The following ZBTB20 variants were observed in gnomAD, a reference collection of about 807,000 sequenced individuals.
The protein encoded by ZBTB20 is zinc finger and BTB domain-containing protein 20.
Under a neutral mutation model 56.9 loss-of-function variants are expected in ZBTB20, and 9 were observed. The observed-to-expected ratio is 0.16, with a 90% CI of 0.10 to 0.28. The LOEUF is 0.28. Among genes scored for constraint, ZBTB20 ranks in the 10% least tolerant of loss-of-function variants. ZBTB20 has a pLI of 1.00. For synonymous variants in ZBTB20, 417 were observed against 420.7 expected, an observed-to-expected ratio of 0.99 and a Z score of 0.11; for missense variants, 655 against 1,003.0, an observed-to-expected ratio of 0.65 and a Z score of 4.69.
chr3:114,669,088 C>A (rs749083506), intron 6 of ZBTB20, among the ~76,000 whole-genome samples: 8 of 152,086 alleles, frequency 5.3e-5, no homozygotes, highest in Non-Finnish European at 1.0e-4. Flanking sequence ...CCCTTCCCCA[C>A]CAGGGGAGAA....
intron 7 of ZBTB20, among the ~76,000 whole-genome samples, chr3:114,492,940 A>C (rs1319138636): frequency 1.3e-5 from 2 of 152,156 alleles, no homozygotes; most frequent in Admixed American, 6.5e-5. Flanking sequence ...ACATCCATAC[A>C]CTCATGAATA....
chr3:114,877,076 T>C (rs2076226084), intron 4 of ZBTB20, among the ~76,000 whole-genome samples: 1 of 152,216 alleles, frequency 6.6e-6, no homozygotes, highest in Non-Finnish European at 1.5e-5. Flanking sequence ...GGAAACTGGA[T>C]GGTAAACTAT....
intron 6 of ZBTB20, among the ~76,000 whole-genome samples, chr3:114,644,939 C>A (rs1299938): frequency 0.43 from 65,757 of 151,726 alleles, 17,440 homozygotes; most frequent in African/African-American, 0.74. Flanking sequence ...CTAATCTAGA[C>A]ATTAAATTTT....
At chr3:114,642,333 C>G (rs144105547) in intron 6 of ZBTB20, among the ~76,000 whole-genome samples, 1 of 152,090 alleles carries the variant, frequency 6.6e-6, no homozygotes, top group African/African-American at 2.4e-5. Flanking sequence ...GCAAATTTGC[C>G]TTGTGAACCT....
At chr3:114,773,810 C>T (rs561844993) in intron 5 of ZBTB20, among the ~76,000 whole-genome samples, 61 of 152,202 alleles carry the variant, frequency 4.0e-4, no homozygotes, top group Admixed American at 6.5e-4. Context: ...GTATGTTTTG[C>T]CTACTATACA....
chr3:114,437,341 C>CA (rs1216898360), intron 7 of ZBTB20, among the ~76,000 whole-genome samples: 3 of 152,112 alleles, frequency 2.0e-5, no homozygotes. Flanking sequence ...AACAGGCGGT[C>CA]AGCAAACTAC....
At chr3:115,017,753 G>A (rs2080031890) in intron 2 of ZBTB20, among the ~76,000 whole-genome samples, 1 of 151,450 alleles carries the variant, frequency 6.6e-6, no homozygotes, top group Admixed American at 6.6e-5. Flanking sequence ...TAAATGCTGT[G>A]TTTCAGACAT....
chr3:114,652,421 C>T (rs907099214), intron 6 of ZBTB20, among the ~76,000 whole-genome samples: 3 of 151,988 alleles, frequency 2.0e-5, no homozygotes, highest in Admixed American at 1.3e-4. Flanking sequence ...CATTTGGGTG[C>T]TTCCAGTTTT....
At chr3:114,559,580 A>G (rs2051732298) in intron 6 of ZBTB20, among the ~76,000 whole-genome samples, 1 of 152,188 alleles carries the variant, frequency 6.6e-6, no homozygotes, top group Non-Finnish European at 1.5e-5. Flanking sequence ...TCATCATATT[A>G]TCAATGGAAG....
At chr3:114,697,504 G>A (rs1019444646) in intron 5 of ZBTB20, among the ~76,000 whole-genome samples, 3 of 150,556 alleles carry the variant, frequency 2.0e-5, no homozygotes, top group Non-Finnish European at 4.4e-5. Context: ...TGAGAAAAGG[G>A]AAAAAAAACT....
At chr3:114,793,099 C>T (rs1055625997) in intron 5 of ZBTB20, among the ~76,000 whole-genome samples, 7 of 151,782 alleles carry the variant, frequency 4.6e-5, no homozygotes, top group Non-Finnish European at 5.9e-5. Flanking sequence ...AGGCTGGTCT[C>T]GAATTCCTAA....
At chr3:114,908,774 T>C (rs2075412776) in intron 3 of ZBTB20, among the ~76,000 whole-genome samples, 1 of 151,808 alleles carries the variant, frequency 6.6e-6, no homozygotes, top group Non-Finnish European at 1.5e-5. Context: ...TATACAGAGA[T>C]TTATAGAAAT....
At chr3:114,647,319 G>A (rs140813450) in intron 6 of ZBTB20, among the ~76,000 whole-genome samples, 61 of 152,300 alleles carry the variant, frequency 4.0e-4, no homozygotes, top group African/African-American at 1.3e-3. Flanking sequence ...GGGAATAAAG[G>A]TAAAATTATC....
At chr3:114,868,584 A>C (rs1449500521) in intron 4 of ZBTB20, among the ~76,000 whole-genome samples, 1 of 152,224 alleles carries the variant, frequency 6.6e-6, no homozygotes, top group Non-Finnish European at 1.5e-5. Flanking sequence ...CTCTCAATAA[A>C]CAGAAATGTA....
chr3:114,909,187 G>A (rs1392287865), intron 3 of ZBTB20, among the ~76,000 whole-genome samples: 2 of 151,906 alleles, frequency 1.3e-5, no homozygotes, highest in Admixed American at 6.6e-5. Flanking sequence ...TGTAGAGGTG[G>A]AGGACAGTGA....
chr3:114,874,653 C>T (rs561423095), intron 4 of ZBTB20, among the ~76,000 whole-genome samples: 17 of 152,180 alleles, frequency 1.1e-4, no homozygotes, highest in Admixed American at 5.9e-4. Context: ...GCTACACAGA[C>T]GGCCGTCCCA....
intron 3 of ZBTB20, among the ~76,000 whole-genome samples, chr3:114,960,970 G>A (rs921974060): frequency 6.6e-6 from 1 of 152,110 alleles, no homozygotes; most frequent in African/African-American, 2.4e-5. Context: ...CAAATGCTCA[G>A]TGAGGTCCCA....
intron 10 of ZBTB20, among the ~76,000 whole-genome samples, chr3:114,353,282 G>T (rs1224425332): frequency 2.6e-5 from 4 of 152,208 alleles, no homozygotes; most frequent in African/African-American, 9.6e-5. Context: ...ACAGCCTGCA[G>T]ATAGGAAGAA....
At chr3:114,765,808 C>G (rs75828550) in intron 5 of ZBTB20, among the ~76,000 whole-genome samples, 3,133 of 152,072 alleles carry the variant, frequency 0.021, 46 homozygotes, top group Middle Eastern at 0.061. Flanking sequence ...GCACAAATAT[C>G]GAAACAATAA....
Sources: allele counts gnomAD v4.1 joint callset (sites outside exome capture counted in the v4.1 genomes callset), GRCh38; gene constraint gnomAD v4.1.1; transcripts MANE v1.5; gene names NCBI Gene and HGNC (gene_info 2026-07-23, HGNC 2026-07-21).